Variants in CSK observed in about 807,000 individuals in gnomAD.
CSK encodes C-terminal Src kinase.
CSK carries 7 observed loss-of-function variants against 62.3 expected under a neutral mutation model. That is an observed-to-expected ratio of 0.11 (90% CI 0.06 to 0.21). The LOEUF is 0.21. CSK is among the 10% of genes least tolerant of loss of function. The probability of loss-of-function intolerance (pLI) is 1.00; values close to 1 mark genes in which losing one functional copy is unlikely to be tolerated. For synonymous variants in CSK, 237 were observed against 246.0 expected (o/e 0.96, Z 0.34); for missense variants, 294 against 613.5 (o/e 0.48, Z 5.50).
At chr15:74,799,130 C>T (rs2063750895) in intron 4 of CSK, 142 bp from the exon 5 acceptor site, 1 of 1,014,956 alleles carries the variant, frequency 9.9e-7, no homozygotes, top group Admixed American at 2.6e-5. Flanking sequence ...AAAGAAGGGA[C>T]AGGGAGCAGA....
At chr15:74,783,979 C>G (rs35197434) in intron 1 of CSK, among the ~76,000 whole-genome samples, 8 of 152,218 alleles carry the variant, frequency 5.3e-5, no homozygotes, top group African/African-American at 1.9e-4. Flanking sequence ...AGAGTGGGGA[C>G]ACCCAGGGGG....
At chr15:74,785,821 C>T (rs2063506550) in intron 1 of CSK, among the ~76,000 whole-genome samples, 1 of 151,990 alleles carries the variant, frequency 6.6e-6, no homozygotes, top group South Asian at 2.1e-4. Flanking sequence ...ATACTATGGC[C>T]AGTGCCCTTG....
intron 9 of CSK, 27 bp from the exon 10 acceptor site, chr15:74,801,495 G>C: frequency 1.2e-5 from 19 of 1,602,590 alleles, no homozygotes; most frequent in Non-Finnish European, 1.6e-5. Context: ...GTCTGACCTC[G>C]GCCTGGTCTG....
In CSK at chr15:74,801,000, G is replaced by A. The variant is rs1357882016; in HGVS notation, c.723-12G>A. On this transcript the variant is annotated splice_polypyrimidine_tract_variant and intron_variant, in intron 8 of 12. Coordinates refer to ENST00000220003, the MANE Select transcript of CSK (RefSeq NM_004383.3). Reference sequence around the variant, plus strand: ...CAGCTTCCCCTTTCTGACCACTCTCGTCCTGCCCCAGGCAACTGCGGCATA... The same window carrying A: ...CAGCTTCCCCTTTCTGACCACTCTCATCCTGCCCCAGGCAACTGCGGCATA... 21 of 1,613,000 alleles carry A rather than the reference G, an allele frequency of 1.3e-5. No individual in the cohort carries two copies. The highest frequency in any genetic ancestry group is 1.8e-5 in the Non-Finnish European group (21 of 1,179,984).
chr15:74,800,669 C>A lies in CSK; in HGVS notation c.557-12C>A, dbSNP rs1161989296. ...TAGTGGCCTCCAGGCCCTCACTGGC[C>A]CCTCCCCACAGGCGGCTGGGCCCTG... On this transcript the variant is annotated splice_polypyrimidine_tract_variant and intron_variant, in intron 6 of 12. Coordinates refer to ENST00000220003, the MANE Select transcript of CSK (RefSeq NM_004383.3). The A allele has an allele frequency of 6.5e-7, 1 of 1,542,812 alleles. No individual in the cohort carries two copies. The highest frequency in any genetic ancestry group is 2.4e-5 in the East Asian group (1 of 41,038).
intron 1 of CSK, among the ~76,000 whole-genome samples, chr15:74,787,089 C>T (rs1280305532): frequency 6.6e-6 from 1 of 152,202 alleles, no homozygotes; most frequent in Non-Finnish European, 1.5e-5. Context: ...TGGTTGGGGA[C>T]AGGATGGGTG....
At position 74,802,439 on chromosome 15, in the gene CSK, G is replaced by A. The variant is rs149114083; in HGVS notation, c.1279G>A (p.Ala427Thr). The change falls in exon 13 of 13, where the codon GCC (alanine) becomes ACC (threonine). Residue 427 changes from alanine (A) to threonine (T), a missense_variant. Ala to Thr is a moderately conservative substitution (Grantham distance 58). Transcript: ENST00000220003. ...CATGAAGAACTGCTGGCACCTGGAC[G>A]CCGCCATGCGGCCCTCCTTCCTACA... ...EVMKNCWHLD[A>T]AMRPSFLQLR... 2,214 of 1,612,770 alleles carry A rather than the reference G, an allele frequency of 1.4e-3. 28 individuals are homozygous for A. In the African/African-American group the frequency reaches 0.026, roughly 19 times the overall value.
At position 74,796,087 on chromosome 15, in the gene CSK, G is replaced by A. The variant is rs186716518; in HGVS notation, c.-65-2146G>A. Reference sequence around the variant, plus strand: ...ACAAAAATTGGTCTGCTGTGTTGGCGCACGCCTATGATCCCAGCTACTCAG... The same window carrying A: ...ACAAAAATTGGTCTGCTGTGTTGGCACACGCCTATGATCCCAGCTACTCAG... On this transcript the variant is annotated intron_variant, in intron 1 of 12. Coordinates refer to ENST00000220003, the MANE Select transcript of CSK (RefSeq NM_004383.3). Among the ~76,000 whole-genome samples the A allele has an allele frequency of 1.3e-3, 205 of 152,174 alleles. 1 individual carries two copies. Among genetic ancestry groups the A allele is most frequent in the East Asian group, 5.8e-3 (30 of 5,176 alleles).
intron 1 of CSK, among the ~76,000 whole-genome samples, chr15:74,784,541 C>T (rs1261283563): frequency 1.3e-5 from 2 of 152,122 alleles, no homozygotes; most frequent in Admixed American, 6.5e-5. Flanking sequence ...TGGTGCCCTC[C>T]ACCCTCTCAG....
intron 5 of CSK, among the ~76,000 whole-genome samples, 199 bp from the exon 6 acceptor site, chr15:74,800,213 G>C (rs950153814): frequency 6.6e-6 from 1 of 152,160 alleles, no homozygotes; most frequent in Non-Finnish European, 1.5e-5. Flanking sequence ...CCGCATGTAG[G>C]GTGGCATGGG....
At chr15:74,799,094 G>T (rs1238166567) in intron 4 of CSK, 156 bp downstream of exon 4, 1 of 953,278 alleles carries the variant, frequency 1.0e-6, no homozygotes, top group Admixed American at 2.8e-5. Context: ...ACAGAGCAGG[G>T]CTGGGGGCAG....
In CSK at chr15:74,782,694, G is replaced by C. The variant is rs1380867622; in HGVS notation, c.-92G>C. The C allele has an allele frequency of 6.5e-6, 1 of 152,898 alleles. No homozygotes were observed. Among genetic ancestry groups the C allele is most frequent in the Non-Finnish European group, 1.5e-5 (1 of 68,616 alleles). 9.5% of individuals were successfully genotyped at this position (152,898 alleles called of 1,614,324 possible). A position where few individuals can be genotyped will look rare whatever the true frequency, so the allele number is the denominator to read the frequency against. On this transcript the variant is annotated 5_prime_UTR_variant, in exon 1 of 13. Transcript: ENST00000220003. The surrounding 1 kb of genome is among the most constrained non-coding windows in gnomAD (Gnocchi z 5.7). ...CCGCTGATGCCGCCCGCGGCGAGGT[G>C]GCCCGGACCGCAGTGCCCCAAGAGA...
chr15:74,796,140 C>G (rs915535623), intron 1 of CSK, among the ~76,000 whole-genome samples: 3 of 152,076 alleles, frequency 2.0e-5, no homozygotes, highest in African/African-American at 7.2e-5. Context: ...ATCACTTGAA[C>G]CTGGGAGGCG....
intron 1 of CSK, among the ~76,000 whole-genome samples, chr15:74,783,148 C>G (rs1470486984): frequency 6.6e-6 from 1 of 151,896 alleles, no homozygotes; most frequent in African/African-American, 2.4e-5. Flanking sequence ...CCACCATGAC[C>G]CTGCGGGCTG....
Position 74,800,515 on chromosome 15 carries a change from C to T in CSK, c.556+10C>T, listed in dbSNP as rs752885542. On this transcript the variant is annotated intron_variant, in intron 6 of 12. Transcript: ENST00000220003. ...GATGAGTTCTACCGCAGTGAGTGCA[C>T]CCCACCCCAGACCTCTTGCCCACCC... The T allele has an allele frequency of 1.2e-6, 2 of 1,611,808 alleles. No homozygotes were observed. Among genetic ancestry groups the T allele is most frequent in the Admixed American group, 1.7e-5 (1 of 59,724 alleles).
chr15:74,790,626 G>A (rs1245504479), intron 1 of CSK, among the ~76,000 whole-genome samples: 1 of 152,276 alleles, frequency 6.6e-6, no homozygotes, highest in Admixed American at 6.5e-5. Flanking sequence ...CGGGAATGGG[G>A]TGACAGCTGC....
intron 1 of CSK, among the ~76,000 whole-genome samples, chr15:74,786,968 G>A (rs1020671699): frequency 6.6e-6 from 1 of 152,224 alleles, no homozygotes; most frequent in African/African-American, 2.4e-5. Context: ...CTGCCCTCCT[G>A]TCCCACAGCT....
At chr15:74,799,539 A>T (rs747398037) in intron 5 of CSK, 48 bp downstream of exon 5, 8 of 1,560,938 alleles carry the variant, frequency 5.1e-6, no homozygotes, top group Non-Finnish European at 7.0e-6. Context: ...CACACCCTAA[A>T]CCCATCTGGG....
chr15:74,796,189 C>T (rs887615548), intron 1 of CSK, among the ~76,000 whole-genome samples: 8 of 151,850 alleles, frequency 5.3e-5, no homozygotes, highest in Non-Finnish European at 8.8e-5. Context: ...CCCACCACTG[C>T]GTTCCAGCCT....
Sources: gnomAD v4.1 joint callset for allele counts (sites outside exome capture counted in the v4.1 genomes callset) on GRCh38, gnomAD v4.1.1 for gene constraint, Gnocchi (gnomAD v3.1) non-coding constraint, MANE v1.5 for transcripts, NCBI Gene and HGNC (gene_info 2026-07-23, HGNC 2026-07-21) for gene names.